The following RCL1 variants were observed in gnomAD, a reference collection of about 807,000 sequenced individuals.
RCL1 encodes the protein RNA 3'-terminal phosphate cyclase-like protein.
In RCL1, 24 loss-of-function variants were observed where a neutral mutation model predicts 42.4. That is an observed-to-expected ratio of 0.57 (90% confidence interval 0.41 to 0.80). The LOEUF (loss-of-function observed/expected upper bound fraction) is 0.80, where lower values mean the gene tolerates loss of function less well. Ranked by LOEUF, RCL1 falls within the 30% of genes least tolerant of loss-of-function variation. The pLI, the probability that RCL1 is intolerant of heterozygous loss-of-function variation, is 0.00. For missense variants in RCL1, 578 were observed against 467.9 expected, an observed-to-expected ratio of 1.24 and a Z score of -2.17; for synonymous variants, 228 against 177.3, an observed-to-expected ratio of 1.29 and a Z score of -2.27.
In RCL1 at chr9:4,827,027, C is replaced by T; in HGVS notation, c.378C>T (p.Asp126=). The change falls in exon 3 of 9, where the codon GAC becomes GAT. Residue 126 remains aspartate, a synonymous_variant. Coordinates refer to ENST00000381750, the MANE Select transcript of RCL1 (RefSeq NM_005772.5). Reference sequence around the variant, plus strand: ...GAGGAGTGACCAATGATCAGGTTGACCCTTCAGTGAGTATTGAGAACAAAC... The same window carrying T: ...GAGGAGTGACCAATGATCAGGTTGATCCTTCAGTGAGTATTGAGAACAAAC... The part of the protein sequence containing the change: ...VLRGVTNDQV[D]PSVDVLKATA... 6.2e-7 allele frequency: 1 copy of T among 1,614,172 alleles called. No homozygotes were observed. Among genetic ancestry groups the T allele is most frequent in the Non-Finnish European group, 8.5e-7 (1 of 1,180,032 alleles).
At chr9:4,793,352 A>T in intron 1 of RCL1, 125 bp downstream of exon 1, 3 of 929,838 alleles carry the variant, frequency 3.2e-6, no homozygotes, top group Non-Finnish European at 2.8e-6. Context: ...CGGGGAGGGC[A>T]GGTGGCGCGT....
chr9:4,846,150 G>T (rs143638713), intron 7 of RCL1, among the ~76,000 whole-genome samples: 22 of 152,306 alleles, frequency 1.4e-4, no homozygotes, highest in African/African-American at 5.1e-4. Flanking sequence ...ATCCAAGTCA[G>T]TGTTCTTGAA....
At chr9:4,813,092 A>G (rs1816237318) in intron 1 of RCL1, among the ~76,000 whole-genome samples, 1 of 152,208 alleles carries the variant, frequency 6.6e-6, no homozygotes, top group Admixed American at 6.5e-5. Flanking sequence ...TGGCTAGGAT[A>G]GGACTTCCAG....
intron 2 of RCL1, among the ~76,000 whole-genome samples, chr9:4,823,930 G>A (rs769359803): frequency 7.9e-5 from 12 of 151,968 alleles, no homozygotes; most frequent in African/African-American, 1.5e-4. Flanking sequence ...ACCGTGTTCC[G>A]ATGGAAAGAC....
intron 8 of RCL1, among the ~76,000 whole-genome samples, chr9:4,859,153 T>G (rs973297571): frequency 1.3e-5 from 2 of 152,232 alleles, no homozygotes; most frequent in Admixed American, 6.5e-5. Context: ...TAGAAGCCTG[T>G]GCACCTGCAC....
chr9:4,815,162 C>G (rs1206815630), intron 1 of RCL1, among the ~76,000 whole-genome samples: 1 of 152,162 alleles, frequency 6.6e-6, no homozygotes, highest in Admixed American at 6.5e-5. Context: ...TACCTCTTAT[C>G]AGCCTTGGGA....
rs374580393 is a variant in RCL1, at chr9:4,826,927, G to A, written c.278G>A (p.Arg93His). ...GTGGAACATGACTGTAGCGTCCTTC[G>A]TGGCATTGGGTATTACCTGGAGAGT... ...GSVEHDCSVL[R>H]GIGYYLESLL... The change falls in exon 3 of 9, where the codon CGT becomes CAT. Residue 93 changes from arginine to histidine, a missense_variant. Coordinates refer to ENST00000381750, the MANE Select transcript of RCL1 (RefSeq NM_005772.5). The A allele has an allele frequency of 5.1e-5, 83 of 1,613,930 alleles. No homozygotes were observed. The highest frequency in any genetic ancestry group is 1.2e-4 in the Admixed American group (7 of 59,984).
At chr9:4,848,018 G>A (rs1817581510) in intron 7 of RCL1, among the ~76,000 whole-genome samples, 1 of 152,184 alleles carries the variant, frequency 6.6e-6, no homozygotes. Context: ...ATGATGTCCT[G>A]TACAGGGACC....
In RCL1 at chr9:4,827,052, C is replaced by T; in HGVS notation, c.384+19C>T. On this transcript the variant is annotated intron_variant, in intron 3 of 8. Transcript: ENST00000381750. ...CCCTTCAGTGAGTATTGAGAACAAA[C>T]CGTGGTGTGGTTTTTGTTTTGTCTC... 2.5e-6 allele frequency: 4 copies of T among 1,614,072 alleles called. No homozygotes were observed. The highest frequency in any genetic ancestry group is 2.7e-5 in the African/African-American group (2 of 75,030).
At chr9:4,837,724 G>A (rs1047967252) in intron 5 of RCL1, among the ~76,000 whole-genome samples, 22 of 152,210 alleles carry the variant, frequency 1.4e-4, no homozygotes, top group South Asian at 2.1e-4. Context: ...CTGTAGTGCC[G>A]GGCACCTTGG....
At chr9:4,805,932 G>GT (rs895484082) in intron 1 of RCL1, among the ~76,000 whole-genome samples, 8 of 151,536 alleles carry the variant, frequency 5.3e-5, no homozygotes, top group Non-Finnish European at 1.0e-4. Context: ...TAAATATGTT[G>GT]TTTTTTTGGA....
In RCL1 at chr9:4,795,917, G is replaced by C. The variant is rs145805354; in HGVS notation, c.136+2690G>C. Among the ~76,000 whole-genome samples the C allele has an allele frequency of 1.7e-3, 254 of 152,278 alleles. 3 individuals are homozygous for C. The highest frequency in any genetic ancestry group is 0.015 in the Admixed American group (225 of 15,292). ...GTAAGTAGGATGTTACTAAGTTTGA[G>C]TAACTTGAAGTAGGAAGGATTGAGT... On this transcript the variant is annotated intron_variant, in intron 1 of 8. Transcript: ENST00000381750.
chr9:4,828,856 A>G (rs193211632), intron 3 of RCL1, among the ~76,000 whole-genome samples: 5 of 152,352 alleles, frequency 3.3e-5, no homozygotes, highest in African/African-American at 1.2e-4. Flanking sequence ...CTGTAGGAGT[A>G]TCTGCTTTTG....
chr9:4,821,008 A>C (rs79531507), intron 1 of RCL1, among the ~76,000 whole-genome samples: 2 of 152,172 alleles, frequency 1.3e-5, no homozygotes, highest in Admixed American at 6.5e-5. Flanking sequence ...TAAATTAACT[A>C]TAAGATCCTT....
intron 1 of RCL1, among the ~76,000 whole-genome samples, chr9:4,817,102 C>A (rs1816408923): frequency 6.6e-6 from 1 of 151,054 alleles, no homozygotes; most frequent in South Asian, 2.1e-4. Flanking sequence ...CAGGCGTGAG[C>A]CACTGTTCCC....
chr9:4,835,690 G>C (rs758541495), intron 5 of RCL1, among the ~76,000 whole-genome samples: 1 of 152,380 alleles, frequency 6.6e-6, no homozygotes, highest in African/African-American at 2.4e-5. Flanking sequence ...CCAGGTGCTG[G>C]AGTCAGAAAG....
chr9:4,828,780 A>T (rs1466971153), intron 3 of RCL1, among the ~76,000 whole-genome samples: 1 of 152,148 alleles, frequency 6.6e-6, no homozygotes, highest in African/African-American at 2.4e-5. Flanking sequence ...TTTATATGCT[A>T]ACAGTGACAA....
chr9:4,831,292 G>C (rs1013817188), intron 3 of RCL1, among the ~76,000 whole-genome samples: 2 of 149,308 alleles, frequency 1.3e-5, no homozygotes, highest in African/African-American at 5.2e-5. Flanking sequence ...GAGCCAGAAG[G>C]AATGCTGTGT....
At chr9:4,827,342 G>C (rs1816797416) in intron 3 of RCL1, 3 of 1,107,892 alleles carry the variant, frequency 2.7e-6, no homozygotes, top group Non-Finnish European at 1.2e-6. Flanking sequence ...GTATATGTGA[G>C]AGTGGAGTTT....
Sources: gnomAD v4.1 joint callset for allele counts (sites outside exome capture counted in the v4.1 genomes callset) on GRCh38, gnomAD v4.1.1 for gene constraint, MANE v1.5 for transcripts, NCBI Gene and HGNC (gene_info 2026-07-23, HGNC 2026-07-21) for gene names.